CHMP6: variants seen among roughly 807,000 people sequenced by gnomAD.
The protein encoded by CHMP6 is charged multivesicular body protein 6, also known as chromatin-modifying protein 6.
A neutral mutation model predicts 32.8 loss-of-function variants in CHMP6; 10 were observed. The ratio of observed to expected loss-of-function variants is 0.30; its 90% CI spans 0.19 to 0.52. CHMP6 has a LOEUF of 0.52. CHMP6 is among the 20% of genes least tolerant of loss of function. CHMP6 has a pLI of 0.97. For synonymous variants in CHMP6, 123 were observed against 105.8 expected (o/e 1.16, Z -1.00); for missense variants, 269 against 263.8 (o/e 1.02, Z -0.14).
intron 5 of CHMP6, 26 bp from the exon 6 acceptor site, chr17:80,997,235 T>C (rs2069645471): frequency 1.2e-6 from 2 of 1,613,220 alleles, no homozygotes; most frequent in Non-Finnish European, 1.7e-6. Context: ...TCCTCGCTGC[T>C]CTCACCACCG....
chr17:80,997,475 G>A, intron 6 of CHMP6, 134 bp downstream of exon 6: 1 of 739,756 alleles, frequency 1.4e-6, no homozygotes. Context: ...TTTGTGACTG[G>A]TTTTCCTACC....
In CHMP6 at chr17:80,998,406, C is replaced by G. The variant is rs1442291974; in HGVS notation, c.536C>G (p.Pro179Arg). 1 of 1,614,228 alleles carries G rather than the reference C, an allele frequency of 6.2e-7. No homozygotes were observed. The highest frequency in any genetic ancestry group is 2.2e-5 in the East Asian group (1 of 44,884). Residue 179 changes from proline to arginine, a missense_variant, in exon 7 of 8, where the codon CCT (proline) becomes CGT (arginine). Coordinates refer to ENST00000325167, the MANE Select transcript of CHMP6 (RefSeq NM_024591.5). ...CCAGAGGTTCCCTCCGAGCCCCTTC[C>G]TGAGAAGATCCCAGGTATTTCCATG... is the stretch of plus-strand genomic sequence containing the variant. The part of the protein sequence containing the change: ...ELPEVPSEPL[P>R]EKIPENVPVK...
Position 80,995,758 on chromosome 17 carries a change from G to A in CHMP6, c.348G>A (p.Gln116=), listed in dbSNP as rs753022954. The change falls in exon 4 of 8, where the codon CAG becomes CAA. Residue 116 remains glutamine, a splice_region_variant and synonymous_variant. Coordinates refer to ENST00000325167, the MANE Select transcript of CHMP6 (RefSeq NM_024591.5). ...ATGAGTGTCTGAACAAGATGCACCAGGTGAGTCTCTGCAGGGCCAGGGGCA... is the reference window on the plus strand; with the variant it reads ...ATGAGTGTCTGAACAAGATGCACCAAGTGAGTCTCTGCAGGGCCAGGGGCA... The part of the protein sequence containing the change: ...FGNECLNKMH[Q]VMSIEEVERI... 27 of 1,613,762 alleles carry A rather than the reference G, an allele frequency of 1.7e-5. No individual in the cohort carries two copies. Among genetic ancestry groups the A allele is most frequent in the Non-Finnish European group, 2.2e-5 (26 of 1,179,836 alleles).
At chr17:80,993,610 G>T (rs1016074000) in intron 1 of CHMP6, among the ~76,000 whole-genome samples, 1 of 152,252 alleles carries the variant, frequency 6.6e-6, no homozygotes, top group Non-Finnish European at 1.5e-5. Context: ...CATAATCCCT[G>T]TGCCTGCACG....
chr17:80,992,760 G>C (rs1045605074), intron 1 of CHMP6, among the ~76,000 whole-genome samples: 1 of 152,204 alleles, frequency 6.6e-6, no homozygotes, highest in African/African-American at 2.4e-5. Flanking sequence ...GGACAGGGCG[G>C]GTTAAGAATA....
In CHMP6 at chr17:80,994,636, A is replaced by T. The variant is rs1241396666; in HGVS notation, c.119A>T (p.Gln40Leu). 2.5e-6 allele frequency: 4 copies of T among 1,587,300 alleles called. No individual in the cohort carries two copies. In the Admixed American group the frequency reaches 5.4e-5, roughly 22 times the overall value. ...LRQYQKRIAQ[Q>L]LERERALARQ... The stretch of plus-strand genomic sequence containing the variant: ...CAGTACCAGAAGAGGATCGCCCAGC[A>T]GCTGGAGCGCGAGCGCGCCCTGGCC... Residue 40 changes from glutamine to leucine, a missense_variant, in exon 2 of 8, where the codon CAG (glutamine) becomes CTG (leucine). Gln to Leu is a moderately radical substitution (Grantham distance 113). Transcript: ENST00000325167.
intron 6 of CHMP6, among the ~76,000 whole-genome samples, chr17:80,997,739 C>G (rs1185956320): frequency 6.6e-6 from 1 of 152,144 alleles, no homozygotes; most frequent in Non-Finnish European, 1.5e-5. Context: ...CACTCCCCGA[C>G]ACAGGGGTTG....
Position 80,999,285 on chromosome 17 carries a change from C to A in CHMP6, c.*132C>A. 1.0e-6 allele frequency: 1 copy of A among 1,002,992 alleles called. No individual in the cohort carries two copies. The highest frequency in any genetic ancestry group is 1.5e-6 in the Non-Finnish European group (1 of 663,208). 62.1% of individuals were successfully genotyped at this position (1,002,992 alleles called of 1,614,324 possible). On this transcript the variant is annotated 3_prime_UTR_variant, in exon 8 of 8. Transcript: ENST00000325167. ...ACGGTGCTGAGCAGAGCTGCAGCCA[C>A]GCAGGCGCATTGCAGGAGGACTCCA...
chr17:80,997,578 C>G (rs2069650027), intron 6 of CHMP6, among the ~76,000 whole-genome samples: 2 of 152,132 alleles, frequency 1.3e-5, no homozygotes, highest in South Asian at 4.1e-4. Context: ...GCTGGGCCTT[C>G]CTGGCGCCTC....
At chr17:80,996,970 C>G in intron 4 of CHMP6, 37 bp from the exon 5 acceptor site, 1 of 1,591,088 alleles carries the variant, frequency 6.3e-7, no homozygotes, top group Non-Finnish European at 8.6e-7. Flanking sequence ...CCATTGGCCT[C>G]GCGACAGGGG....
At chr17:80,993,839 G>A (rs572867632) in intron 1 of CHMP6, among the ~76,000 whole-genome samples, 3 of 152,276 alleles carry the variant, frequency 2.0e-5, no homozygotes, top group South Asian at 2.1e-4. Flanking sequence ...GAGAGAAGCC[G>A]GGGGGATGTC....
Position 80,999,202 on chromosome 17 carries a change from C to A in CHMP6, c.*49C>A. The A allele has an allele frequency of 6.2e-7, 1 of 1,604,194 alleles. No homozygotes were observed. Among genetic ancestry groups the A allele is most frequent in the Non-Finnish European group, 8.5e-7 (1 of 1,171,462 alleles). On this transcript the variant is annotated 3_prime_UTR_variant, in exon 8 of 8. Transcript: ENST00000325167. ...ACGGGGATGCCCCAGGGACTGTGGC[C>A]CACAGAGAGTTTGGGTCACGGCCAG...
intron 5 of CHMP6, 31 bp from the exon 6 acceptor site, chr17:80,997,230 G>A (rs953966619): frequency 1.5e-5 from 24 of 1,612,958 alleles, no homozygotes; most frequent in Admixed American, 3.3e-5. Context: ...CCACCTCCTC[G>A]CTGCTCTCAC....
chr17:80,996,972 C>T (rs375919985), intron 4 of CHMP6, 35 bp from the exon 5 acceptor site: 233 of 1,594,836 alleles, frequency 1.5e-4, no homozygotes, highest in Admixed American at 2.9e-4. Flanking sequence ...ATTGGCCTCG[C>T]GACAGGGGTC....
chr17:80,997,275 C>T lies in CHMP6; in HGVS notation c.429C>T (p.Leu143=). ...TCCTTTTGCAGCAAATAGACGAGCT[C>T]CTGGCAGGAAGCTTCACTCAGGAGG... ...AVEYQRQIDE[L]LAGSFTQEDE... The change falls in exon 6 of 8, where the codon CTC becomes CTT. Residue 143 remains leucine, a synonymous_variant. Transcript: ENST00000325167. 1.9e-6 allele frequency: 3 copies of T among 1,613,716 alleles called. No individual in the cohort carries two copies. The highest frequency in any genetic ancestry group is 1.7e-6 in the Non-Finnish European group (2 of 1,179,952).
Position 80,991,845 on chromosome 17 carries a change from C to A in CHMP6, c.-74C>A. On this transcript the variant is annotated 5_prime_UTR_variant, in exon 1 of 8. Transcript: ENST00000325167. ...CGGCGCGGCCGCCGTAGCGGGAGGA[C>A]CCGAGCTACGGTGGCCGCGGGGCGG... The A allele has an allele frequency of 8.3e-7, 1 of 1,201,688 alleles. No homozygotes were observed. Among genetic ancestry groups the A allele is most frequent in the Non-Finnish European group, 1.1e-6 (1 of 942,484 alleles). The allele number at this position is 1,201,688 out of a possible 1,614,324, so 74.4% of individuals were successfully genotyped here. A position where few individuals can be genotyped will look rare whatever the true frequency, so the allele number is the denominator to read the frequency against.
At chr17:80,995,495 A>G (rs566214969) in intron 3 of CHMP6, among the ~76,000 whole-genome samples, 177 bp from the exon 4 acceptor site, 1 of 152,284 alleles carries the variant, frequency 6.6e-6, no homozygotes, top group East Asian at 1.9e-4. Context: ...GCACCTGCTC[A>G]GTCCTGCGCA....
At chr17:80,997,778 G>A (rs1460616010) in intron 6 of CHMP6, among the ~76,000 whole-genome samples, 2 of 152,132 alleles carry the variant, frequency 1.3e-5, no homozygotes, top group Admixed American at 6.5e-5. Flanking sequence ...GCCTCAGTCC[G>A]CCAAATTCTC....
chr17:80,994,013 C>T (rs1175461831), intron 1 of CHMP6, among the ~76,000 whole-genome samples: 2 of 152,148 alleles, frequency 1.3e-5, no homozygotes, highest in South Asian at 2.1e-4. Flanking sequence ...CCCGGGTTCA[C>T]GCTGTTCTCC....
Sources: gnomAD v4.1 joint callset for allele counts (sites outside exome capture counted in the v4.1 genomes callset) on GRCh38, gnomAD v4.1.1 for gene constraint, MANE v1.5 for transcripts, NCBI Gene and HGNC (gene_info 2026-07-23, HGNC 2026-07-21) for gene names.